The following USP25 variants were observed in gnomAD, a reference collection of about 807,000 sequenced individuals.
The protein encoded by USP25 is ubiquitin specific peptidase 25.
In USP25, 85 loss-of-function variants were observed where a neutral mutation model predicts 158.5. The observed-to-expected ratio is 0.54, with a 90% CI of 0.45 to 0.64. The LOEUF is 0.64. Ranked by LOEUF, USP25 falls within the 30% of genes least tolerant of loss-of-function variation. The probability of loss-of-function intolerance (pLI) is 0.00; values close to 1 mark genes in which losing one functional copy is unlikely to be tolerated. For synonymous variants in USP25, 464 were observed against 460.4 expected (o/e 1.01, Z -0.10); for missense variants, 1,242 against 1,327.3 (o/e 0.94, Z 1.00).
chr21:15,835,489 T>G (rs2038021255), intron 17 of USP25, among the ~76,000 whole-genome samples: 1 of 152,222 alleles, frequency 6.6e-6, no homozygotes, highest in Non-Finnish European at 1.5e-5. Flanking sequence ...GCATCCATTT[T>G]CATGATCAAT....
intron 1 of USP25, among the ~76,000 whole-genome samples, chr21:15,754,288 G>A (rs571240595): frequency 6.6e-6 from 1 of 152,134 alleles, no homozygotes; most frequent in Non-Finnish European, 1.5e-5. Context: ...AGCTTGTCTT[G>A]TGATATGGCT....
At chr21:15,814,204 T>G (rs978087410) in intron 9 of USP25, among the ~76,000 whole-genome samples, 2 of 150,472 alleles carry the variant, frequency 1.3e-5, no homozygotes, top group African/African-American at 4.9e-5. Context: ...TGCTGCCATG[T>G]AAGAAGTGCC....
intron 1 of USP25, among the ~76,000 whole-genome samples, chr21:15,749,014 T>A (rs1263399513): frequency 2.0e-5 from 3 of 150,738 alleles, no homozygotes; most frequent in Admixed American, 6.6e-5. Context: ...TCAAGTGTGT[T>A]TTTTTTTTTA....
In USP25 at chr21:15,730,344, G is replaced by T. The variant is rs569836016; in HGVS notation, c.-50G>T. ...CGCGGCAGCCAGGGCCGGCGGAGGCGCGAGGAGCCGGGCGCCACCGCCGCC... is the reference window on the plus strand; with the variant it reads ...CGCGGCAGCCAGGGCCGGCGGAGGCTCGAGGAGCCGGGCGCCACCGCCGCC... On this transcript the variant is annotated 5_prime_UTR_variant, in exon 1 of 26. Coordinates refer to ENST00000400183, the MANE Select transcript of USP25 (RefSeq NM_001283041.3). The T allele has an allele frequency of 4.0e-4, 456 of 1,129,490 alleles. No homozygotes were observed. The African/African-American group carries it at 6.4e-3, about 16-fold the overall frequency. The allele number at this position is 1,129,490 out of a possible 1,614,324, so 70.0% of individuals were successfully genotyped here.
At chr21:15,860,014 C>T (rs1442869503) in intron 20 of USP25, among the ~76,000 whole-genome samples, 3 of 125,262 alleles carry the variant, frequency 2.4e-5, no homozygotes, top group Non-Finnish European at 3.2e-5. Context: ...TTTTGGATGG[C>T]GTCTCGCTCT....
chr21:15,782,447 C>A (rs2035018930), intron 4 of USP25, among the ~76,000 whole-genome samples: 1 of 152,170 alleles, frequency 6.6e-6, no homozygotes, highest in Non-Finnish European at 1.5e-5. Context: ...TGTGCATCCA[C>A]CCCTGGCCTG....
chr21:15,808,957 G>A (rs2036524265), intron 8 of USP25, 72 bp downstream of exon 8: 6 of 1,088,232 alleles, frequency 5.5e-6, no homozygotes, highest in East Asian at 2.5e-5. Flanking sequence ...TGTCAACAGA[G>A]AAATAAGAAA....
At chr21:15,828,192 AT>A (rs568355811) in intron 14 of USP25, among the ~76,000 whole-genome samples, 364 of 152,356 alleles carry the variant, frequency 2.4e-3, no homozygotes, top group African/African-American at 8.3e-3. Context: ...GACTAACAGC[AT>A]TAGTAGCTGT....
At chr21:15,838,758 T>C (rs2038184008) in intron 17 of USP25, among the ~76,000 whole-genome samples, 1 of 152,176 alleles carries the variant, frequency 6.6e-6, no homozygotes, top group Non-Finnish European at 1.5e-5. Flanking sequence ...CTGAAAGATA[T>C]CAGAGATGTT....
intron 15 of USP25, among the ~76,000 whole-genome samples, chr21:15,831,043 A>G (rs1204448709): frequency 6.6e-6 from 1 of 152,186 alleles, no homozygotes; most frequent in East Asian, 1.9e-4. Flanking sequence ...TTAACCGTCA[A>G]TTTAGAATTC....
Position 15,831,505 on chromosome 21 carries a change from C to T in USP25, c.1869C>T (p.Tyr623=), listed in dbSNP as rs2037801804. 6.2e-7 allele frequency: 1 copy of T among 1,613,976 alleles called. No homozygotes were observed. The highest frequency in any genetic ancestry group is 1.3e-5 in the African/African-American group (1 of 75,010). ...FDHRESRWMK[Y]NDIAVTKSSW... is the part of the protein sequence containing the mutation. Reference sequence around the variant, plus strand: ...ATCGTGAAAGCAGATGGATGAAGTACAATGATATTGCTGTGACAAAATCAT... The same window carrying T: ...ATCGTGAAAGCAGATGGATGAAGTATAATGATATTGCTGTGACAAAATCAT... The change falls in exon 16 of 26, where the codon TAC becomes TAT. Residue 623 remains tyrosine (Y), a synonymous_variant. Transcript: ENST00000400183.
At chr21:15,732,803 G>A (rs1273360057) in intron 1 of USP25, among the ~76,000 whole-genome samples, 8 of 151,776 alleles carry the variant, frequency 5.3e-5, no homozygotes, top group Non-Finnish European at 1.2e-4. Flanking sequence ...TTTTTGGTTC[G>A]CCTATAGAAT....
chr21:15,791,260 C>T (rs1346188161), intron 4 of USP25, among the ~76,000 whole-genome samples: 1 of 151,636 alleles, frequency 6.6e-6, no homozygotes, highest in Admixed American at 6.6e-5. Context: ...ATTGTACTTT[C>T]TATTATATAA....
intron 23 of USP25, among the ~76,000 whole-genome samples, chr21:15,873,187 A>G (rs941385564): frequency 6.6e-6 from 1 of 151,538 alleles, no homozygotes; most frequent in Non-Finnish European, 1.5e-5. Flanking sequence ...ATGGCTCACT[A>G]CAACCTCTTA....
At chr21:15,730,774 T>TTC (rs1466069904) in intron 1 of USP25, among the ~76,000 whole-genome samples, 1 of 152,178 alleles carries the variant, frequency 6.6e-6, no homozygotes, top group Non-Finnish European at 1.5e-5. Flanking sequence ...TGAGAAAGAA[T>TTC]AGCTAGTTGT....
At chr21:15,747,500 A>G (rs1307082567) in intron 1 of USP25, among the ~76,000 whole-genome samples, 1 of 152,026 alleles carries the variant, frequency 6.6e-6, no homozygotes, top group Non-Finnish European at 1.5e-5. Context: ...TTTCCTATAT[A>G]TAGTATCTAC....
chr21:15,777,524 AT>A (rs2034727182), intron 3 of USP25, among the ~76,000 whole-genome samples: 1 of 152,204 alleles, frequency 6.6e-6, no homozygotes, highest in Non-Finnish European at 1.5e-5. Flanking sequence ...TTTAATACGT[AT>A]GTAATCGGGT....
At chr21:15,837,405 G>T (rs961721100) in intron 17 of USP25, among the ~76,000 whole-genome samples, 21 of 152,046 alleles carry the variant, frequency 1.4e-4, no homozygotes, top group African/African-American at 4.3e-4. Flanking sequence ...ATCCTTTGCT[G>T]TCAGTGTGGG....
intron 25 of USP25, 150 bp from the exon 26 acceptor site, chr21:15,878,153 T>C (rs775502852): frequency 5.9e-5 from 65 of 1,093,986 alleles, no homozygotes; most frequent in Non-Finnish European, 7.4e-5. Flanking sequence ...TGAACTAAGC[T>C]GTGTGCATTG....
Sources: allele counts gnomAD v4.1 joint callset (sites outside exome capture counted in the v4.1 genomes callset), GRCh38; gene constraint gnomAD v4.1.1; transcripts MANE v1.5; gene names NCBI Gene and HGNC (gene_info 2026-07-23, HGNC 2026-07-21).